Variants in SLC49A4 observed in about 807,000 individuals in gnomAD.
SLC49A4 encodes solute carrier family 49 member 4, also known as disrupted in renal cancer protein 2.
Under a neutral mutation model 50.6 loss-of-function variants are expected in SLC49A4, and 36 were observed. That is an observed-to-expected ratio of 0.71 (90% confidence interval 0.55 to 0.94). The LOEUF (loss-of-function observed/expected upper bound fraction) is 0.94. Among genes scored for constraint, SLC49A4 ranks in the 40% least tolerant of loss-of-function variants. The pLI is 0.00. For missense variants in SLC49A4, 503 were observed against 605.7 expected (o/e 0.83, Z 1.78); for synonymous variants, 248 against 241.2 (o/e 1.03, Z -0.26).
At position 122,880,199 on chromosome 3, in the gene SLC49A4, G is replaced by T. The variant is rs1937319077; in HGVS notation, c.*821G>T. 6.6e-6 allele frequency: 1 copy of T among 152,216 alleles called. No individual in the cohort carries two copies. The highest frequency in any genetic ancestry group is 2.4e-5 in the African/African-American group (1 of 41,442). 9.4% of individuals were successfully genotyped at this position (152,216 alleles called of 1,614,324 possible). On this transcript the variant is annotated 3_prime_UTR_variant, in exon 9 of 9. Coordinates refer to ENST00000261038, the MANE Select transcript of SLC49A4 (RefSeq NM_032839.3). The stretch of plus-strand genomic sequence containing the variant: ...CATGGACATACTGTGTCTTCTGCCT[G>T]TATATGGTGGCATGAGATGTAATGT...
At chr3:122,850,578 G>C (rs1371193716) in intron 5 of SLC49A4, among the ~76,000 whole-genome samples, 1 of 151,864 alleles carries the variant, frequency 6.6e-6, no homozygotes, top group East Asian at 1.9e-4. Flanking sequence ...CAGAAGCATG[G>C]CTCACTGGAG....
intron 8 of SLC49A4, among the ~76,000 whole-genome samples, chr3:122,874,172 A>C (rs77472981): frequency 0.05 from 7,597 of 152,260 alleles, 257 homozygotes; most frequent in Middle Eastern, 0.11. Flanking sequence ...CCAATAATGG[A>C]AACTGCCCTA....
At position 122,850,363 on chromosome 3, in the gene SLC49A4, A is replaced by G. The variant is rs1250375636; in HGVS notation, c.942+4492A>G. On this transcript the variant is annotated intron_variant, in intron 5 of 8. Transcript: ENST00000261038. Reference sequence around the variant, plus strand: ...TGTCTTTTGTCGCCAAAGTTGATATACTAAGAGTGATGTGAAAATAGTCAT... The same window carrying G: ...TGTCTTTTGTCGCCAAAGTTGATATGCTAAGAGTGATGTGAAAATAGTCAT... 2.0e-5 allele frequency among the ~76,000 whole-genome samples: 3 copies of G among 152,336 alleles called. No individual in the cohort carries two copies. The East Asian group carries it at 5.8e-4, about 29-fold the overall frequency.
At chr3:122,842,141 C>T (rs1334535929) in intron 4 of SLC49A4, among the ~76,000 whole-genome samples, 2 of 152,034 alleles carry the variant, frequency 1.3e-5, no homozygotes, top group African/African-American at 4.8e-5. Flanking sequence ...TTGGACTATT[C>T]TTTAGGAAAT....
intron 7 of SLC49A4, among the ~76,000 whole-genome samples, chr3:122,869,066 A>G (rs1937158882): frequency 6.6e-6 from 1 of 152,188 alleles, no homozygotes; most frequent in Non-Finnish European, 1.5e-5. Flanking sequence ...TGAGCTCACA[A>G]ACTCACATGA....
intron 2 of SLC49A4, among the ~76,000 whole-genome samples, chr3:122,821,401 G>A (rs183238741): frequency 2.2e-4 from 33 of 152,280 alleles, no homozygotes; most frequent in Admixed American, 1.7e-3. Flanking sequence ...GTTGGGGGCC[G>A]TGGGTTGGGA....
At chr3:122,815,836 T>C (rs1936359275) in intron 2 of SLC49A4, among the ~76,000 whole-genome samples, 1 of 152,228 alleles carries the variant, frequency 6.6e-6, no homozygotes, top group African/African-American at 2.4e-5. Flanking sequence ...ACATTTCACT[T>C]TCTGCTTGAT....
chr3:122,824,820 C>A (rs1327344406), intron 2 of SLC49A4, among the ~76,000 whole-genome samples: 1 of 148,016 alleles, frequency 6.8e-6, no homozygotes, highest in African/African-American at 2.5e-5. Flanking sequence ...GCAACCTCTG[C>A]CTCCCAAGCT....
intron 4 of SLC49A4, among the ~76,000 whole-genome samples, chr3:122,835,561 TGA>T (rs1936669157): frequency 6.6e-6 from 1 of 151,574 alleles, no homozygotes; most frequent in South Asian, 2.1e-4. Context: ...CATCTCTTTA[TGA>T]TAAAAAAAAA....
At chr3:122,878,265 CTTGT>C (rs773632470) in intron 8 of SLC49A4, among the ~76,000 whole-genome samples, 1 of 152,194 alleles carries the variant, frequency 6.6e-6, no homozygotes, top group Admixed American at 6.5e-5. Context: ...GCTTATTTTC[CTTGT>C]TTATTTTTTG....
chr3:122,860,013 G>A (rs1240796739), intron 6 of SLC49A4, 62 bp from the exon 7 acceptor site: 1 of 1,323,082 alleles, frequency 7.6e-7, no homozygotes, highest in African/African-American at 1.5e-5. Context: ...GTGAAAGTGT[G>A]TCATTTGCTT....
chr3:122,807,982 T>G (rs1936247274), intron 2 of SLC49A4, among the ~76,000 whole-genome samples: 1 of 152,188 alleles, frequency 6.6e-6, no homozygotes, highest in Admixed American at 6.5e-5. Context: ...TAGAGATTGC[T>G]GGCAGAAGAC....
At chr3:122,826,595 A>G (rs766144675) in intron 2 of SLC49A4, among the ~76,000 whole-genome samples, 63 of 152,240 alleles carry the variant, frequency 4.1e-4, no homozygotes, top group Non-Finnish European at 8.1e-4. Flanking sequence ...ATAAATGGTA[A>G]CTATTACTAT....
At chr3:122,875,642 A>T (rs1189907092) in intron 8 of SLC49A4, among the ~76,000 whole-genome samples, 1 of 152,122 alleles carries the variant, frequency 6.6e-6, no homozygotes, top group African/African-American at 2.4e-5. Context: ...GTGAGCCACC[A>T]CACCCAGCCT....
intron 4 of SLC49A4, among the ~76,000 whole-genome samples, chr3:122,834,477 A>G (rs977382265): frequency 2.0e-5 from 3 of 152,222 alleles, no homozygotes; most frequent in East Asian, 1.9e-4. Flanking sequence ...TGGGTTAACA[A>G]TGAAATCAAG....
At chr3:122,856,227 T>C in intron 5 of SLC49A4, 80 bp from the exon 6 acceptor site, 1 of 1,354,910 alleles carries the variant, frequency 7.4e-7, no homozygotes, top group Non-Finnish European at 1.0e-6. Flanking sequence ...AACATATTGA[T>C]TATAGAGGAC....
chr3:122,859,323 A>T (rs1937028685), intron 6 of SLC49A4, among the ~76,000 whole-genome samples: 1 of 152,198 alleles, frequency 6.6e-6, no homozygotes, highest in Admixed American at 6.5e-5. Context: ...ATCCAACTGG[A>T]GAACAGTAGA....
rs972520350 is a variant in SLC49A4, at chr3:122,848,150, A to G, written c.942+2279A>G. Among the ~76,000 whole-genome samples, 3 of 152,304 alleles carry G rather than the reference A, an allele frequency of 2.0e-5. No homozygotes were observed. In the East Asian group the frequency reaches 5.8e-4, roughly 29 times the overall value. On this transcript the variant is annotated intron_variant, in intron 5 of 8. Transcript: ENST00000261038. The stretch of plus-strand genomic sequence containing the variant: ...GTTCTTTTACCTGTCACATTTACCT[A>G]GAATTTAAACCTAGAATTGATTTTA...
intron 7 of SLC49A4, among the ~76,000 whole-genome samples, chr3:122,866,756 G>C (rs575906590): frequency 6.6e-6 from 1 of 152,110 alleles, no homozygotes; most frequent in East Asian, 1.9e-4. Flanking sequence ...ATCGGATGTG[G>C]ATTCCACACC....
Sources: gnomAD v4.1 joint callset for allele counts (sites outside exome capture counted in the v4.1 genomes callset) on GRCh38, gnomAD v4.1.1 for gene constraint, MANE v1.5 for transcripts, NCBI Gene and HGNC (gene_info 2026-07-23, HGNC 2026-07-21) for gene names.